Variants in FANCD2OS observed in about 807,000 individuals in gnomAD.
The protein encoded by FANCD2OS is FANCD2 opposite strand protein.
FANCD2OS carries 11 observed loss-of-function variants against 13.2 expected under a neutral mutation model. That is an observed-to-expected ratio of 0.83 (90% CI 0.52 to 1.38). The LOEUF (loss-of-function observed/expected upper bound fraction) is 1.38. Among genes scored for constraint, FANCD2OS ranks in the 40% most tolerant of loss-of-function variants. The pLI, the probability that FANCD2OS is intolerant of heterozygous loss-of-function variation, is 0.00. For missense variants in FANCD2OS, 217 were observed against 213.9 expected, an observed-to-expected ratio of 1.01 and a Z score of -0.09; for synonymous variants, 69 against 84.5, an observed-to-expected ratio of 0.82 and a Z score of 1.01.
intron 1 of FANCD2OS, among the ~76,000 whole-genome samples, chr3:10,107,607 A>G (rs949697625): frequency 6.2e-4 from 94 of 151,668 alleles, no homozygotes; most frequent in African/African-American, 2.2e-3. Context: ...TTTTCTTGCC[A>G]CATCTTCTAA....
chr3:10,098,593 C>T, downstream of FANCD2OS: 1 of 1,119,440 alleles, frequency 8.9e-7, no homozygotes, highest in Non-Finnish European at 1.3e-6. Flanking sequence ...AAGTTGGTAT[C>T]CATGTTTGCT....
downstream of FANCD2OS, chr3:10,101,642 C>T: frequency 3.1e-6 from 1 of 318,838 alleles, no homozygotes. Flanking sequence ...CTCAGCCTCC[C>T]AAAGTGCTGG....
At chr3:10,100,154 T>TG (rs1639108092), downstream of FANCD2OS, among the ~76,000 whole-genome samples, 1 of 152,234 alleles carries the variant, frequency 6.6e-6, no homozygotes, top group African/African-American at 2.4e-5. Flanking sequence ...CACTCCAGCC[T>TG]GGATGACAGA....
At chr3:10,106,856 GATCAA>G (rs1695508262) in intron 1 of FANCD2OS, among the ~76,000 whole-genome samples, 2 of 152,178 alleles carry the variant, frequency 1.3e-5, no homozygotes, top group Non-Finnish European at 2.9e-5. Flanking sequence ...GGTGAGCCGG[GATCAA>G]GCCATTGAAC....
chr3:10,083,763 C>G (rs1267617474), intron 2 of FANCD2OS: 1 of 151,454 alleles, frequency 6.6e-6, no homozygotes, highest in African/African-American at 2.4e-5. Context: ...TTGCAGGCGC[C>G]TGTAGTCCCA....
chr3:10,096,212 T>C lies in FANCD2OS; in HGVS notation c.*43+7986A>G. The C allele has an allele frequency of 6.9e-6, 7 of 1,021,246 alleles. No homozygotes were observed. In the South Asian group the frequency reaches 8.9e-5, roughly 13 times the overall value. The allele number at this position is 1,021,246 out of a possible 1,614,324, so 63.3% of individuals were successfully genotyped here. On this transcript the variant is annotated intron_variant, in intron 2 of 2. Transcript: ENST00000524279. The stretch of plus-strand genomic sequence containing the variant: ...TATTCCTGTTTGATGGAACATACCG[T>C]TGGCCCATACTGGCAGGGCTTGTGT...
intron 2 of FANCD2OS, chr3:10,095,165 A>G: frequency 6.4e-7 from 1 of 1,554,642 alleles, no homozygotes; most frequent in Non-Finnish European, 8.9e-7. Context: ...AAATCAGGAC[A>G]TTTCATAGAG....
chr3:10,102,879 T>G, downstream of FANCD2OS: 1 of 159,924 alleles, frequency 6.3e-6, no homozygotes, highest in Non-Finnish European at 1.3e-5. Context: ...TAAAATAAAA[T>G]AAAAAAGCAG....
At chr3:10,092,102 G>T in intron 2 of FANCD2OS, 3 of 997,916 alleles carry the variant, frequency 3.0e-6, no homozygotes, top group Non-Finnish European at 4.9e-6. Context: ...TGTAATTCAA[G>T]AACTATATCT....
chr3:10,085,382 TC>T (rs1207040910), intron 2 of FANCD2OS, among the ~76,000 whole-genome samples: 4 of 151,830 alleles, frequency 2.6e-5, no homozygotes, highest in African/African-American at 9.7e-5. Flanking sequence ...AATTCTTTTT[TC>T]TTTTTTCTTT....
intron 2 of FANCD2OS, among the ~76,000 whole-genome samples, chr3:10,097,093 G>T (rs12152520): frequency 0.23 from 34,831 of 152,066 alleles, 5,092 homozygotes; most frequent in African/African-American, 0.42. Flanking sequence ...AAAGGGGAGG[G>T]AGTGTGCGAA....
downstream of FANCD2OS, chr3:10,101,157 A>G (rs35568585): frequency 4.5e-3 from 7,024 of 1,559,782 alleles, 27 homozygotes; most frequent in Non-Finnish European, 5.6e-3. Flanking sequence ...AGTAACCTAA[A>G]ATGCTTATTT....
downstream of FANCD2OS, among the ~76,000 whole-genome samples, chr3:10,097,953 A>G (rs1291209602): frequency 1.3e-5 from 2 of 151,852 alleles, no homozygotes; most frequent in African/African-American, 4.9e-5. Context: ...ACTTCCCGCA[A>G]CAATCTCTAA....
chr3:10,098,763 A>G, downstream of FANCD2OS: 1 of 1,614,196 alleles, frequency 6.2e-7, no homozygotes, highest in Non-Finnish European at 8.5e-7. Flanking sequence ...AGCACAGCAG[A>G]TGAGAGTGAG....
chr3:10,105,759 AAAAAAAAAAAAATTATATATAT>A (rs1559414942), intron 1 of FANCD2OS, among the ~76,000 whole-genome samples: 4 of 69,164 alleles, frequency 5.8e-5, no homozygotes, highest in African/African-American at 4.6e-4. Context: ...TAAAAAAAAA[AAAAAAAAAAAAATTATATATAT>A]ATATATATAT....
chr3:10,085,373 A>ATTCTTTT lies in FANCD2OS; in HGVS notation c.*44-3849_*44-3843dup, dbSNP rs202213490. Among the ~76,000 whole-genome samples the ATTCTTTT allele has an allele frequency of 4.0e-5, 6 of 150,998 alleles. No individual in the cohort carries two copies. In the South Asian group the frequency reaches 1.0e-3, roughly 26 times the overall value. On this transcript the variant is annotated intron_variant, in intron 2 of 2. Coordinates refer to the FANCD2OS transcript ENST00000524279. ...TGGTACTTCAGTACTTTCCATTTCAATTCTTTTTTCTTTTTTCTTTCTTTT... is the reference window on the plus strand; with the variant it reads ...TGGTACTTCAGTACTTTCCATTTCAATTCTTTTTTCTTTTTTCTTTTTTCTTTCTTTT...
chr3:10,087,167 A>G lies in FANCD2OS; in HGVS notation c.*44-5636T>C, dbSNP rs776210193. 6 of 1,614,020 alleles carry G rather than the reference A, an allele frequency of 3.7e-6. No homozygotes were observed. The highest frequency in any genetic ancestry group is 5.1e-6 in the Non-Finnish European group (6 of 1,179,976). ...TCCATTACTTGCAGAATTTCCATCA[A>G]AGCATTCCCAGTTTCCAGTGTGCTC... On this transcript the variant is annotated intron_variant, in intron 2 of 2. Transcript: ENST00000524279.
intron 2 of FANCD2OS, chr3:10,093,431 T>G (rs1265455470): frequency 2.1e-6 from 2 of 955,900 alleles, no homozygotes; most frequent in African/African-American, 3.2e-5. Flanking sequence ...AAGCCAGAGT[T>G]TCCAGAATCT....
At chr3:10,098,939 T>C (rs1695141336), downstream of FANCD2OS, 1 of 1,614,088 alleles carries the variant, frequency 6.2e-7, no homozygotes, top group Non-Finnish European at 8.5e-7. Flanking sequence ...CCCATTTCCA[T>C]TCCCTCCATA....
Sources: gnomAD v4.1 joint callset for allele counts (sites outside exome capture counted in the v4.1 genomes callset) on GRCh38, gnomAD v4.1.1 for gene constraint, MANE v1.5 for transcripts, NCBI Gene and HGNC (gene_info 2026-07-23, HGNC 2026-07-21) for gene names.